The following DHRS12 variants were observed in gnomAD, a reference collection of about 807,000 sequenced individuals.
DHRS12 encodes the protein dehydrogenase/reductase SDR family member 12.
Under a neutral mutation model 32.1 loss-of-function variants are expected in DHRS12, and 29 were observed. The ratio of observed to expected loss-of-function variants is 0.90; its 90% CI spans 0.67 to 1.23. The LOEUF (loss-of-function observed/expected upper bound fraction) is 1.23, where lower values mean the gene tolerates loss of function less well. Among genes scored for constraint, DHRS12 ranks in the 50% most tolerant of loss-of-function variants. The pLI is 0.00. For synonymous variants in DHRS12, 150 were observed against 135.9 expected (o/e 1.10, Z -0.72); for missense variants, 330 against 337.2 (o/e 0.98, Z 0.17).
chr13:51,803,817 G>A, intron 1 of DHRS12: 1 of 351,282 alleles, frequency 2.8e-6, no homozygotes, highest in Non-Finnish European at 5.0e-6. Flanking sequence ...GCGCGCCACA[G>A]CCCCGCCCCT....
In DHRS12 at chr13:51,768,227, A is replaced by G; in HGVS notation, c.767T>C (p.Leu256Pro). Residue 256 changes from leucine (L) to proline (P), a missense_variant, in exon 9 of 9, where the codon CTC (leucine) becomes CCC (proline). Transcript: ENST00000444610. ...AGCCAGCTGTTCCAGGATTTCAATGAGTTTCTCCTCTTCGGCCGGTGAGGA... is the reference window on the plus strand; with the variant it reads ...AGCCAGCTGTTCCAGGATTTCAATGGGTTTCTCCTCTTCGGCCGGTGAGGA... ...ASSSPAEEEK[L>P]IEILEQLAQT... is the part of the protein sequence containing the mutation. 6.5e-7 allele frequency: 1 copy of G among 1,536,068 alleles called. No individual in the cohort carries two copies. Among genetic ancestry groups the G allele is most frequent in the South Asian group, 1.2e-5 (1 of 84,064 alleles).
the DHRS12 span, chr13:51,759,686 T>C: frequency 2.5e-6 from 4 of 1,590,346 alleles, no homozygotes; most frequent in East Asian, 2.2e-5. Flanking sequence ...TTCTAAGGAC[T>C]GTTATCCTCA....
intron 2 of DHRS12, among the ~76,000 whole-genome samples, chr13:51,795,095 C>A (rs1269509472): frequency 6.6e-6 from 1 of 152,206 alleles, no homozygotes; most frequent in Non-Finnish European, 1.5e-5. Flanking sequence ...CGTGTACAAG[C>A]AGCTGAGATC....
chr13:51,768,192 T>G lies in DHRS12; in HGVS notation c.802A>C (p.Lys268Gln), dbSNP rs1593498830. 6.5e-7 allele frequency: 1 copy of G among 1,536,152 alleles called. No homozygotes were observed. The highest frequency in any genetic ancestry group is 2.4e-5 in the East Asian group (1 of 40,912). Reference protein sequence around the residue: ...EILEQLAQTFK With the variant: ...EILEQLAQTFQ ...CGCACTGTGTCTGGGTTGGCCTATT[T>G]AAATGTCTGAGCCAGCTGTTCCAGG... Residue 268 changes from lysine (K) to glutamine (Q), a missense_variant, in exon 9 of 9, where the codon AAA (lysine) becomes CAA (glutamine). Transcript: ENST00000444610.
chr13:51,759,789 A>G, the DHRS12 span: 1 of 1,613,262 alleles, frequency 6.2e-7, no homozygotes, highest in Non-Finnish European at 8.5e-7. Context: ...CAGGAATCAG[A>G]AAGATAGTAT....
At chr13:51,779,088 C>G (rs1463520078) in intron 4 of DHRS12, among the ~76,000 whole-genome samples, 1 of 152,090 alleles carries the variant, frequency 6.6e-6, no homozygotes, top group Non-Finnish European at 1.5e-5. Context: ...ATGCTGCATG[C>G]CAACCCATGC....
At chr13:51,795,110 C>A (rs1052778331) in intron 2 of DHRS12, among the ~76,000 whole-genome samples, 1 of 152,210 alleles carries the variant, frequency 6.6e-6, no homozygotes, top group Non-Finnish European at 1.5e-5. Context: ...GAGATCCCCA[C>A]GTGACCTTGA....
At chr13:51,762,921 T>G in the DHRS12 span, 1 of 152,242 alleles carries the variant, frequency 6.6e-6, no homozygotes, top group Non-Finnish European at 1.5e-5. Flanking sequence ...CATTACTGCC[T>G]GAGTGTATCT....
chr13:51,789,790 T>C, intron 4 of DHRS12: 1 of 985,374 alleles, frequency 1.0e-6, no homozygotes, highest in Non-Finnish European at 1.2e-6. Flanking sequence ...AAAAAAACAC[T>C]TCAATACTAA....
chr13:51,797,168 C>T (rs950050852), intron 2 of DHRS12, among the ~76,000 whole-genome samples: 2 of 152,154 alleles, frequency 1.3e-5, no homozygotes, highest in African/African-American at 4.8e-5. Flanking sequence ...TATGGCTACA[C>T]GATGGATCAT....
In DHRS12 at chr13:51,779,153, C is replaced by T. The variant is rs571289563; in HGVS notation, c.302-2032G>A. 1.8e-4 allele frequency among the ~76,000 whole-genome samples: 27 copies of T among 152,220 alleles called. No individual in the cohort carries two copies. In the East Asian group the frequency reaches 5.0e-3, roughly 28 times the overall value. On this transcript the variant is annotated intron_variant, in intron 4 of 8. Coordinates refer to ENST00000444610, the MANE Select transcript of DHRS12 (RefSeq NM_001377533.1). Reference sequence around the variant, plus strand: ...GTCATTCTTTCCTCAGTGAACATGGCGCCAGTTGCTCCTTGCCCAGCTCAC... The same window carrying T: ...GTCATTCTTTCCTCAGTGAACATGGTGCCAGTTGCTCCTTGCCCAGCTCAC...
At chr13:51,762,767 T>C in the DHRS12 span, 3 of 152,196 alleles carry the variant, frequency 2.0e-5, no homozygotes, top group African/African-American at 7.2e-5. Flanking sequence ...CTTAAACATA[T>C]AGCAGCTTTT....
intron 7 of DHRS12, 108 bp downstream of exon 7, chr13:51,771,713 C>A: frequency 7.0e-7 from 1 of 1,419,230 alleles, no homozygotes; most frequent in Non-Finnish European, 9.8e-7. Flanking sequence ...ACTCCTCAGT[C>A]CTCATTACGC....
downstream of DHRS12, chr13:51,766,059 A>G (rs963707886): frequency 6.6e-6 from 1 of 152,068 alleles, no homozygotes; most frequent in Admixed American, 6.6e-5. Flanking sequence ...TCACATATAC[A>G]CTTTTTATCA....
chr13:51,768,247 T>C lies in DHRS12; in HGVS notation c.747A>G (p.Ser249=). The stretch of plus-strand genomic sequence containing the variant: ...CAATGAGTTTCTCCTCTTCGGCCGG[T>C]GAGGAGGACGCTGTAGCGAGAGGCA... ...THLPLATASS[S]PAEEEKLIEI... Residue 249 remains serine, a synonymous_variant, in exon 9 of 9, where the codon TCA becomes TCG. Transcript: ENST00000444610. The C allele has an allele frequency of 6.5e-7, 1 of 1,535,934 alleles. No individual in the cohort carries two copies. Among genetic ancestry groups the C allele is most frequent in the Non-Finnish European group, 8.7e-7 (1 of 1,146,890 alleles).
intron 4 of DHRS12, among the ~76,000 whole-genome samples, chr13:51,787,475 G>C (rs1955010459): frequency 6.6e-6 from 1 of 151,646 alleles, no homozygotes; most frequent in Admixed American, 6.6e-5. Flanking sequence ...ACGGTGATGG[G>C]GTGAGGGAGG....
At chr13:51,763,091 A>T (rs1953639712), downstream of DHRS12, 1 of 152,218 alleles carries the variant, frequency 6.6e-6, no homozygotes, top group African/African-American at 2.4e-5. Flanking sequence ...GAGTGTTTCA[A>T]GCAGAAAACA....
downstream of DHRS12, chr13:51,764,809 A>G (rs1299927471): frequency 2.0e-5 from 3 of 152,300 alleles, no homozygotes; most frequent in African/African-American, 4.8e-5. Flanking sequence ...GGAGACTATC[A>G]GTGCACGGCC....
At chr13:51,803,755 G>T in intron 1 of DHRS12, 1 of 272,580 alleles carries the variant, frequency 3.7e-6, no homozygotes, top group Non-Finnish European at 6.8e-6. Context: ...CCGCCCAAGA[G>T]GCTCCTTGGC....
Sources: allele counts gnomAD v4.1 joint callset (sites outside exome capture counted in the v4.1 genomes callset), GRCh38; gene constraint gnomAD v4.1.1; transcripts MANE v1.5; gene names NCBI Gene and HGNC (gene_info 2026-07-23, HGNC 2026-07-21).